Variants in PALM2AKAP2 observed in about 807,000 individuals in gnomAD.
The protein encoded by PALM2AKAP2 is PALM2 and AKAP2 fusion, also known as PALM2-AKAP2 fusion protein.
Under a neutral mutation model 71.5 loss-of-function variants are expected in PALM2AKAP2, and 37 were observed. The observed-to-expected ratio is 0.52, with a 90% CI of 0.40 to 0.68. The LOEUF (loss-of-function observed/expected upper bound fraction) is 0.68. PALM2AKAP2 is among the 30% of genes least tolerant of loss of function. The pLI is 0.00. For missense variants in PALM2AKAP2, 1,224 were observed against 1,191.8 expected (o/e 1.03, Z -0.40); for synonymous variants, 468 against 478.8 (o/e 0.98, Z 0.29).
At chr9:110,079,086 G>T (rs1324976707) in intron 1 of PALM2AKAP2, among the ~76,000 whole-genome samples, 1 of 152,130 alleles carries the variant, frequency 6.6e-6, no homozygotes, top group Non-Finnish European at 1.5e-5. Context: ...AGCCTGCCAA[G>T]AAATATTATT....
At chr9:109,984,325 T>C (rs12686488) in intron 6 of PALM2AKAP2, among the ~76,000 whole-genome samples, 19,081 of 152,152 alleles carry the variant, frequency 0.13, 1,550 homozygotes, top group East Asian at 0.25. Context: ...CTAAAGATGA[T>C]ACAAGGTGTC....
chr9:109,996,504 A>G (rs930081367), intron 6 of PALM2AKAP2, among the ~76,000 whole-genome samples: 1 of 152,260 alleles, frequency 6.6e-6, no homozygotes, highest in African/African-American at 2.4e-5. Flanking sequence ...TTGGGCCTCA[A>G]GGGTCCTGTA....
chr9:109,747,953 G>A (rs1298923991), intron 1 of PALM2AKAP2, among the ~76,000 whole-genome samples: 3 of 152,224 alleles, frequency 2.0e-5, no homozygotes, highest in Admixed American at 6.5e-5. Context: ...TTACAGGCAT[G>A]AGCCACTGAG....
intron 1 of PALM2AKAP2, among the ~76,000 whole-genome samples, chr9:110,077,063 A>C (rs969793241): frequency 5.3e-5 from 8 of 152,218 alleles, no homozygotes; most frequent in African/African-American, 1.9e-4. Flanking sequence ...GATACCACTC[A>C]GTGAGTCAGA....
Position 110,023,305 on chromosome 9 carries a change from CTTTTTTTTTTTTTTTT to C in PALM2AKAP2, c.582+7277_582+7292del, listed in dbSNP as rs149672913. Among the ~76,000 whole-genome samples the C allele has an allele frequency of 4.7e-4, 35 of 74,050 alleles. 1 individual carries two copies. The highest frequency in any genetic ancestry group is 7.7e-4 in the Non-Finnish European group (33 of 42,844). The allele number at this position is 74,050 out of a possible 152,430, so 48.6% of individuals were successfully genotyped here. A position where few individuals can be genotyped will look rare whatever the true frequency, so the allele number is the denominator to read the frequency against. ...GTGAGATGGTATCTCATTGTGGTTT[CTTTTTTTTTTTTTTTT>C]TTTTTTTTTTGAGATGGAGTTTCGC... On this transcript the variant is annotated intron_variant, in intron 7 of 9. Transcript: ENST00000302798.
Position 110,076,492 on chromosome 9 carries a change from C to CATATATATATATATATAT in PALM2AKAP2, c.156+27639_156+27656dup, listed in dbSNP as rs149836822. On this transcript the variant is annotated intron_variant, in intron 1 of 3. Coordinates refer to ENST00000374525, the Ensembl canonical transcript of PALM2AKAP2. ...ATATAGGTATATCATATATATTCTA[C>CATATATATATATATATAT]ATATATATATATATATATAGGTATA... Among the ~76,000 whole-genome samples the CATATATATATATATATAT allele has an allele frequency of 2.9e-3, 308 of 106,698 alleles. 23 individuals carry two copies. The highest frequency in any genetic ancestry group is 0.01 in the South Asian group (38 of 3,680). 70.0% of individuals were successfully genotyped at this position (106,698 alleles called of 152,430 possible).
At chr9:109,758,291 G>C (rs1828997253) in intron 1 of PALM2AKAP2, among the ~76,000 whole-genome samples, 1 of 152,080 alleles carries the variant, frequency 6.6e-6, no homozygotes, top group African/African-American at 2.4e-5. Flanking sequence ...TTTGCTATTA[G>C]AAATAGTACG....
intron 3 of PALM2AKAP2, among the ~76,000 whole-genome samples, chr9:109,905,223 T>C (rs1296125052): frequency 6.6e-6 from 1 of 152,234 alleles, no homozygotes; most frequent in East Asian, 1.9e-4. Context: ...ACTCCCATAA[T>C]AAATGTACTG....
intron 1 of PALM2AKAP2, among the ~76,000 whole-genome samples, chr9:109,699,251 G>A (rs185253883): frequency 1.3e-5 from 2 of 152,314 alleles, no homozygotes; most frequent in Admixed American, 1.3e-4. Flanking sequence ...AAGCAAGAAT[G>A]TAGTTGAAAA....
At chr9:110,003,756 C>T (rs971138149) in intron 6 of PALM2AKAP2, among the ~76,000 whole-genome samples, 1 of 152,102 alleles carries the variant, frequency 6.6e-6, no homozygotes, top group Non-Finnish European at 1.5e-5. Flanking sequence ...GCTCTTCTTG[C>T]TGAATTGATC....
intron 2 of PALM2AKAP2, among the ~76,000 whole-genome samples, chr9:110,149,264 A>G (rs996530360): frequency 5.9e-5 from 9 of 152,224 alleles, no homozygotes; most frequent in African/African-American, 1.2e-4. Context: ...TTGCAATGCT[A>G]CAGTCTTGTG....
At chr9:110,006,385 A>G (rs1321961143) in intron 6 of PALM2AKAP2, among the ~76,000 whole-genome samples, 1 of 71,868 alleles carries the variant, frequency 1.4e-5, no homozygotes, top group South Asian at 3.5e-4. Context: ...CTCTTTCTTT[A>G]CAAGATCTTA....
chr9:109,885,420 T>C (rs1246738816), intron 3 of PALM2AKAP2, among the ~76,000 whole-genome samples: 1 of 152,228 alleles, frequency 6.6e-6, no homozygotes, highest in Non-Finnish European at 1.5e-5. Context: ...AATTTGGATT[T>C]AGTGATCCAA....
At chr9:109,760,765 C>T (rs533866067) in intron 1 of PALM2AKAP2, 14 of 152,208 alleles carry the variant, frequency 9.2e-5, no homozygotes, top group Non-Finnish European at 1.3e-4. Context: ...AATGAACTCA[C>T]GAAACAAGTA....
intron 1 of PALM2AKAP2, among the ~76,000 whole-genome samples, chr9:109,788,889 G>C (rs1353257883): frequency 1.3e-5 from 2 of 152,202 alleles, no homozygotes; most frequent in Non-Finnish European, 2.9e-5. Flanking sequence ...AGTGAGCTAT[G>C]ATCACTGCCA....
At chr9:109,694,965 A>G (rs950786817) in intron 1 of PALM2AKAP2, among the ~76,000 whole-genome samples, 2 of 152,160 alleles carry the variant, frequency 1.3e-5, no homozygotes, top group Non-Finnish European at 2.9e-5. Context: ...GACAAGTGAG[A>G]TGTCACCTGG....
intron 6 of PALM2AKAP2, among the ~76,000 whole-genome samples, chr9:110,010,421 A>G (rs1404568435): frequency 2.0e-5 from 3 of 148,764 alleles, no homozygotes; most frequent in Admixed American, 6.7e-5. Context: ...TTCTATATAT[A>G]GAGATAGAAT....
intron 1 of PALM2AKAP2, among the ~76,000 whole-genome samples, chr9:109,791,806 G>A (rs544434543): frequency 6.6e-6 from 1 of 152,320 alleles, no homozygotes; most frequent in South Asian, 2.1e-4. Context: ...AGGGTCTCCT[G>A]CTTTTCCAAG....
In PALM2AKAP2 at chr9:109,922,421, C is replaced by CAAAAAA. The variant is rs398011831; in HGVS notation, c.258-1283_258-1278dup. On this transcript the variant is annotated intron_variant, in intron 3 of 9. Coordinates refer to the PALM2AKAP2 transcript ENST00000302798. ...TGGGTGACAGAGTGAGACTCTATCT[C>CAAAAAA]AAAAAAAAAAAAAAAAAAAAAAAAA... Among the ~76,000 whole-genome samples, 9 of 19,226 alleles carry CAAAAAA rather than the reference C, an allele frequency of 4.7e-4. 1 individual carries two copies. Among genetic ancestry groups the CAAAAAA allele is most frequent in the Admixed American group, 2.1e-3 (2 of 938 alleles). The allele number at this position is 19,226 out of a possible 152,430, so 12.6% of individuals were successfully genotyped here. A position where few individuals can be genotyped will look rare whatever the true frequency, so the allele number is the denominator to read the frequency against.
Sources: allele counts gnomAD v4.1 joint callset (sites outside exome capture counted in the v4.1 genomes callset), GRCh38; gene constraint gnomAD v4.1.1; transcripts MANE v1.5; gene names NCBI Gene and HGNC (gene_info 2026-07-23, HGNC 2026-07-21).